Variants in RIPOR2 observed in about 807,000 individuals in gnomAD.
The protein encoded by RIPOR2 is RHO family interacting cell polarization regulator 2.
Under a neutral mutation model 114.5 loss-of-function variants are expected in RIPOR2, and 39 were observed. The ratio of observed to expected loss-of-function variants is 0.34; its 90% CI spans 0.26 to 0.44. The LOEUF is 0.44. Among genes scored for constraint, RIPOR2 ranks in the 20% least tolerant of loss-of-function variants. The pLI, the probability that RIPOR2 is intolerant of heterozygous loss-of-function variation, is 1.00. For missense variants in RIPOR2, 1,007 were observed against 1,255.1 expected (o/e 0.80, Z 2.99); for synonymous variants, 445 against 484.4 (o/e 0.92, Z 1.07).
In RIPOR2 at chr6:25,025,518, AC is replaced by A. The variant is rs1429879020; in HGVS notation, c.76+16332del. Among the ~76,000 whole-genome samples the A allele has an allele frequency of 2.6e-5, 4 of 152,038 alleles. No homozygotes were observed. In the East Asian group the frequency reaches 7.7e-4, roughly 29 times the overall value. On this transcript the variant is annotated intron_variant, in intron 1 of 13. Coordinates refer to the RIPOR2 transcript ENST00000510784. The stretch of plus-strand genomic sequence containing the variant: ...GTGACAGATAAAGAAGTTTACCCTC[AC>A]CCCCTCCCAGCACTATTTGTGCCTT...
chr6:24,998,955 T>A (rs1015436083), intron 1 of RIPOR2, among the ~76,000 whole-genome samples: 13 of 152,244 alleles, frequency 8.5e-5, no homozygotes, highest in African/African-American at 3.1e-4. Context: ...ATGTACACTA[T>A]AGGGATGCAT....
chr6:24,916,335 C>G (rs1008351861), intron 1 of RIPOR2, among the ~76,000 whole-genome samples: 6 of 152,220 alleles, frequency 3.9e-5, no homozygotes, highest in African/African-American at 9.6e-5. Context: ...CATCTGTCCC[C>G]TGAGTGCAGA....
At chr6:24,822,162 T>C (rs1759760416) in intron 19 of RIPOR2, among the ~76,000 whole-genome samples, 1 of 152,228 alleles carries the variant, frequency 6.6e-6, no homozygotes, top group Admixed American at 6.5e-5. Context: ...AGGAGTCTTG[T>C]GCTGAAGTTC....
chr6:24,968,259 G>A (rs962323669), intron 1 of RIPOR2, among the ~76,000 whole-genome samples: 6 of 152,074 alleles, frequency 3.9e-5, no homozygotes, highest in African/African-American at 1.2e-4. Context: ...TTGACCTCTC[G>A]ATACCATCTT....
At chr6:24,808,961 T>C (rs532777299) in intron 21 of RIPOR2, among the ~76,000 whole-genome samples, 122 of 152,154 alleles carry the variant, frequency 8.0e-4, no homozygotes, top group South Asian at 4.8e-3. Flanking sequence ...GGTTTCATCA[T>C]GTTGGCCAGG....
intron 1 of RIPOR2, among the ~76,000 whole-genome samples, chr6:25,011,675 T>A (rs574077686): frequency 2.0e-5 from 3 of 152,348 alleles, no homozygotes; most frequent in East Asian, 3.9e-4. Flanking sequence ...AAGCAAGTTC[T>A]TAACTACTAA....
intron 2 of RIPOR2, 69 bp downstream of exon 2, chr6:24,875,622 C>G (rs187029835): frequency 2.9e-4 from 429 of 1,502,498 alleles, no homozygotes; most frequent in Non-Finnish European, 3.7e-4. Context: ...GCACACAGAC[C>G]CTCTTCACAA....
At chr6:24,999,980 G>A (rs563618861) in intron 1 of RIPOR2, among the ~76,000 whole-genome samples, 1 of 152,192 alleles carries the variant, frequency 6.6e-6, no homozygotes, top group Non-Finnish European at 1.5e-5. Context: ...GTGAGAGAAG[G>A]TCAGCCAGCT....
chr6:24,985,102 C>T (rs2209932), intron 1 of RIPOR2, among the ~76,000 whole-genome samples: 56,153 of 152,114 alleles, frequency 0.37, 10,553 homozygotes, highest in South Asian at 0.42. Flanking sequence ...GACTTTTTTA[C>T]CGTAAACAAT....
intron 1 of RIPOR2, among the ~76,000 whole-genome samples, chr6:24,942,920 A>G (rs1379185720): frequency 6.6e-6 from 1 of 152,204 alleles, no homozygotes; most frequent in African/African-American, 2.4e-5. Flanking sequence ...TAGTTTAATT[A>G]GATCCCATTT....
chr6:24,964,845 T>G (rs1215589140), intron 1 of RIPOR2, among the ~76,000 whole-genome samples: 2 of 152,262 alleles, frequency 1.3e-5, no homozygotes, highest in Admixed American at 6.5e-5. Flanking sequence ...AGATGTGTAT[T>G]GATATTTCAT....
intron 10 of RIPOR2, 32 bp from the exon 11 acceptor site, chr6:24,849,982 A>T: frequency 6.3e-7 from 1 of 1,591,582 alleles, no homozygotes; most frequent in Non-Finnish European, 8.6e-7. Context: ...AATAGGCCTT[A>T]CATCACAGCA....
chr6:24,985,527 C>T (rs139542448), intron 1 of RIPOR2, among the ~76,000 whole-genome samples: 367 of 152,288 alleles, frequency 2.4e-3, no homozygotes, highest in African/African-American at 7.4e-3. Context: ...GAATGGAAGG[C>T]AGTCAGTTAC....
chr6:25,022,532 A>ATTTTTTTT (rs10564019), intron 1 of RIPOR2, among the ~76,000 whole-genome samples: 10 of 40,986 alleles, frequency 2.4e-4, no homozygotes, highest in African/African-American at 7.8e-4. Context: ...GGTACCTTCC[A>ATTTTTTTT]TTTTTTTTTT....
intron 1 of RIPOR2, among the ~76,000 whole-genome samples, chr6:24,921,674 G>T (rs1770509725): frequency 6.9e-6 from 1 of 144,630 alleles, no homozygotes; most frequent in African/African-American, 2.6e-5. Flanking sequence ...CTGATGTACT[G>T]TATTTTTATA....
At chr6:24,840,734 G>A (rs949804772) in intron 13 of RIPOR2, 4 of 1,535,480 alleles carry the variant, frequency 2.6e-6, no homozygotes, top group South Asian at 1.2e-5. Flanking sequence ...CCGTCCAAGA[G>A]GCAGCACCAT....
chr6:24,909,422 T>C (rs914062177), intron 1 of RIPOR2, among the ~76,000 whole-genome samples: 6 of 151,654 alleles, frequency 4.0e-5, no homozygotes, highest in African/African-American at 1.2e-4. Flanking sequence ...ATGGTGTGAG[T>C]GGGCAAGCTC....
At chr6:24,995,702 T>C (rs1775013883) in intron 1 of RIPOR2, among the ~76,000 whole-genome samples, 1 of 152,156 alleles carries the variant, frequency 6.6e-6, no homozygotes, top group South Asian at 2.1e-4. Context: ...ATAAAGTTCA[T>C]AGCAATTCCC....
At chr6:25,016,830 T>C (rs1776027633) in intron 1 of RIPOR2, among the ~76,000 whole-genome samples, 2 of 152,258 alleles carry the variant, frequency 1.3e-5, no homozygotes. Flanking sequence ...TCTGGGTTTC[T>C]AAAAATTTCC....
Sources: gnomAD v4.1 joint callset for allele counts (sites outside exome capture counted in the v4.1 genomes callset) on GRCh38, gnomAD v4.1.1 for gene constraint, MANE v1.5 for transcripts, NCBI Gene and HGNC (gene_info 2026-07-23, HGNC 2026-07-21) for gene names.